The following RYR2 variants were observed in gnomAD, a reference collection of about 807,000 sequenced individuals.
The protein encoded by RYR2 is ryanodine receptor 2.
In RYR2, 227 loss-of-function variants were observed where a neutral mutation model predicts 601.1. The ratio of observed to expected loss-of-function variants is 0.38; its 90% CI spans 0.34 to 0.42. The LOEUF (loss-of-function observed/expected upper bound fraction) is 0.42. RYR2 is among the 10% of genes least tolerant of loss of function. The probability of loss-of-function intolerance (pLI) is 1.00; values close to 1 mark genes in which losing one functional copy is unlikely to be tolerated. For synonymous variants in RYR2, 2,223 were observed against 2,175.1 expected, an observed-to-expected ratio of 1.02 and a Z score of -0.61; for missense variants, 4,646 against 6,156.5, an observed-to-expected ratio of 0.75 and a Z score of 8.21.
intron 2 of RYR2, among the ~76,000 whole-genome samples, chr1:237,280,012 C>T (rs1463782162): frequency 1.3e-5 from 2 of 152,178 alleles, no homozygotes; most frequent in Non-Finnish European, 2.9e-5. Context: ...ATATCAAGAG[C>T]TCTTTCTGTT....
intron 1 of RYR2, among the ~76,000 whole-genome samples, chr1:237,092,231 G>A (rs548615247): frequency 4.6e-5 from 7 of 152,262 alleles, no homozygotes; most frequent in East Asian, 1.9e-4. Flanking sequence ...CTGGTGTGCC[G>A]TGTAGAGTGG....
At chr1:237,275,198 T>A (rs1690144412) in intron 2 of RYR2, among the ~76,000 whole-genome samples, 1 of 151,950 alleles carries the variant, frequency 6.6e-6, no homozygotes, top group Non-Finnish European at 1.5e-5. Context: ...TAGTATTTTT[T>A]AATTAAAATA....
At chr1:237,108,739 G>A (rs1558248761) in intron 1 of RYR2, among the ~76,000 whole-genome samples, 1 of 152,176 alleles carries the variant, frequency 6.6e-6, no homozygotes, top group Non-Finnish European at 1.5e-5. Flanking sequence ...ACACACCCCA[G>A]GTGATTTGCA....
chr1:237,509,434 G>A (rs902024478), intron 23 of RYR2, among the ~76,000 whole-genome samples: 8 of 152,072 alleles, frequency 5.3e-5, no homozygotes, highest in African/African-American at 1.7e-4. Flanking sequence ...TTTTTCTTTG[G>A]AGCAATTTAT....
chr1:237,071,526 G>A (rs538338307), intron 1 of RYR2, among the ~76,000 whole-genome samples: 15 of 152,236 alleles, frequency 9.9e-5, no homozygotes, highest in South Asian at 4.1e-4. Context: ...GCCCGGCCGA[G>A]TCCAGGGTTT....
chr1:237,656,452 G>A (rs1265198391), intron 53 of RYR2, among the ~76,000 whole-genome samples: 2 of 152,242 alleles, frequency 1.3e-5, no homozygotes, highest in Middle Eastern at 3.4e-3. Context: ...ATGATAAAAC[G>A]CAGCACAAGA....
At chr1:237,154,064 C>A (rs1019766970) in intron 1 of RYR2, among the ~76,000 whole-genome samples, 1 of 152,128 alleles carries the variant, frequency 6.6e-6, no homozygotes, top group African/African-American at 2.4e-5. Flanking sequence ...CTGCAACTTG[C>A]AAGAGGGGCT....
intron 1 of RYR2, among the ~76,000 whole-genome samples, chr1:237,160,830 C>T (rs1315492374): frequency 6.6e-6 from 1 of 151,948 alleles, no homozygotes; most frequent in African/African-American, 2.4e-5. Context: ...AAGAATTGTT[C>T]TTTGTAACTT....
At chr1:237,061,410 T>C (rs1036987755) in intron 1 of RYR2, among the ~76,000 whole-genome samples, 3 of 152,176 alleles carry the variant, frequency 2.0e-5, no homozygotes, top group Non-Finnish European at 4.4e-5. Flanking sequence ...CTTAAACTAC[T>C]GGGCTCAAGG....
intron 1 of RYR2, among the ~76,000 whole-genome samples, chr1:237,250,589 G>A (rs6429000): frequency 1.3e-5 from 2 of 151,908 alleles, no homozygotes; most frequent in Non-Finnish European, 2.9e-5. Context: ...CTCAAAGCCC[G>A]TCTTCCCTTC....
chr1:237,729,962 T>G (rs574820326), intron 76 of RYR2, among the ~76,000 whole-genome samples: 3 of 152,288 alleles, frequency 2.0e-5, no homozygotes, highest in African/African-American at 7.2e-5. Context: ...CTTACAAAAC[T>G]GAAATGTGGT....
intron 54 of RYR2, among the ~76,000 whole-genome samples, chr1:237,659,676 G>A (rs1017721890): frequency 2.0e-5 from 3 of 152,144 alleles, no homozygotes; most frequent in African/African-American, 7.2e-5. Flanking sequence ...ACCTTGGTCT[G>A]TTTAAGGAAG....
chr1:237,538,544 G>A (rs1323279718), intron 25 of RYR2, among the ~76,000 whole-genome samples: 1 of 151,414 alleles, frequency 6.6e-6, no homozygotes, highest in Admixed American at 6.6e-5. Flanking sequence ...GGCCAACGCA[G>A]GCGGATCACT....
chr1:237,816,413 G>A lies in RYR2; in HGVS notation c.14434-2623G>A, dbSNP rs555268697. On this transcript the variant is annotated intron_variant, in intron 100 of 104. Transcript: ENST00000366574. Reference sequence around the variant, plus strand: ...GAGAAAAGCAATCCAGGCTAGGCACGGTGACTCAACGCCAGTAATCCCAGC... The same window carrying A: ...GAGAAAAGCAATCCAGGCTAGGCACAGTGACTCAACGCCAGTAATCCCAGC... 5.9e-5 allele frequency among the ~76,000 whole-genome samples: 9 copies of A among 152,224 alleles called. No individual in the cohort carries two copies. In the South Asian group the frequency reaches 8.3e-4, roughly 14 times the overall value.
At chr1:237,229,575 C>A (rs1367264130) in intron 1 of RYR2, among the ~76,000 whole-genome samples, 1 of 152,000 alleles carries the variant, frequency 6.6e-6, no homozygotes, top group Non-Finnish European at 1.5e-5. Flanking sequence ...ATGGGGAAAG[C>A]TGGAAGGCTG....
At chr1:237,309,966 G>A (rs1054272288) in intron 2 of RYR2, among the ~76,000 whole-genome samples, 6 of 152,272 alleles carry the variant, frequency 3.9e-5, no homozygotes, top group Middle Eastern at 3.4e-3. Context: ...AGCGCCACGC[G>A]CAGCTCTGGT....
At chr1:237,799,984 G>A (rs1344111185) in intron 97 of RYR2, 1 of 150,408 alleles carries the variant, frequency 6.6e-6, no homozygotes. Context: ...CAACCAGGAA[G>A]GCCGTGTTCT....
intron 29 of RYR2, among the ~76,000 whole-genome samples, chr1:237,577,537 C>CGT (rs1673388972): frequency 1.2e-5 from 1 of 80,226 alleles, no homozygotes; most frequent in African/African-American, 5.7e-5. Context: ...TGTGTGTGTG[C>CGT]GTGTGTGTGT....
At chr1:237,579,530 C>T (rs1237455414) in intron 29 of RYR2, among the ~76,000 whole-genome samples, 2 of 152,212 alleles carry the variant, frequency 1.3e-5, no homozygotes, top group South Asian at 4.2e-4. Context: ...GCTGGGATTA[C>T]AGGCGTGAGC....
Sources: gnomAD v4.1 joint callset for allele counts (sites outside exome capture counted in the v4.1 genomes callset) on GRCh38, gnomAD v4.1.1 for gene constraint, MANE v1.5 for transcripts, NCBI Gene and HGNC (gene_info 2026-07-23, HGNC 2026-07-21) for gene names.